Variants in PPFIA2 observed in about 807,000 individuals in gnomAD.
PPFIA2 encodes the protein liprin-alpha-2.
A neutral mutation model predicts 175.5 loss-of-function variants in PPFIA2; 46 were observed. The ratio of observed to expected loss-of-function variants is 0.26; its 90% CI spans 0.21 to 0.34. The LOEUF (loss-of-function observed/expected upper bound fraction) is 0.34, where lower values mean the gene tolerates loss of function less well. PPFIA2 is among the 10% of genes least tolerant of loss of function. PPFIA2 has a pLI of 1.00. For synonymous variants in PPFIA2, 568 were observed against 511.4 expected (o/e 1.11, Z -1.49); for missense variants, 1,179 against 1,506.1 (o/e 0.78, Z 3.60).
intron 7 of PPFIA2, among the ~76,000 whole-genome samples, chr12:81,435,794 A>G (rs185327086): frequency 5.8e-4 from 89 of 152,244 alleles, no homozygotes; most frequent in African/African-American, 2.1e-3. Context: ...TGGGAATTGA[A>G]TTAATTCAGA....
chr12:81,710,937 G>A (rs967472992), intron 3 of PPFIA2, among the ~76,000 whole-genome samples: 1 of 151,324 alleles, frequency 6.6e-6, no homozygotes, highest in African/African-American at 2.4e-5. Context: ...TTGCTACTTA[G>A]AAGTAAAATC....
intron 3 of PPFIA2, among the ~76,000 whole-genome samples, chr12:81,731,170 G>T (rs2153639910): frequency 6.6e-6 from 1 of 151,584 alleles, no homozygotes; most frequent in Admixed American, 6.6e-5. Flanking sequence ...CTGTTCTATG[G>T]GTCCTACACT....
At chr12:81,545,041 A>C (rs925986563) in intron 4 of PPFIA2, among the ~76,000 whole-genome samples, 3 of 151,420 alleles carry the variant, frequency 2.0e-5, no homozygotes, top group African/African-American at 7.2e-5. Context: ...CTATTGGTAC[A>C]ACACTTTCAT....
intron 4 of PPFIA2, among the ~76,000 whole-genome samples, chr12:81,534,746 G>A (rs2065135433): frequency 6.6e-6 from 1 of 151,714 alleles, no homozygotes; most frequent in Non-Finnish European, 1.5e-5. Context: ...AGTCAGAAGT[G>A]AGAGCAGATA....
chr12:81,411,726 C>G (rs2044003284), intron 7 of PPFIA2, among the ~76,000 whole-genome samples: 2 of 151,986 alleles, frequency 1.3e-5, no homozygotes, highest in Admixed American at 1.3e-4. Flanking sequence ...TGATGACATA[C>G]CAGGCGTTAG....
At chr12:81,484,289 A>C (rs1017398866) in intron 4 of PPFIA2, among the ~76,000 whole-genome samples, 1 of 151,984 alleles carries the variant, frequency 6.6e-6, no homozygotes, top group Non-Finnish European at 1.5e-5. Flanking sequence ...CTTTGGAAGA[A>C]GGGGTGGTTT....
intron 9 of PPFIA2, among the ~76,000 whole-genome samples, chr12:81,377,322 G>A (rs2036593521): frequency 6.6e-6 from 1 of 152,178 alleles, no homozygotes; most frequent in African/African-American, 2.4e-5. Context: ...AAGGTGGGCA[G>A]ATCTCTTGAG....
At chr12:81,550,172 T>C (rs945128203) in intron 4 of PPFIA2, among the ~76,000 whole-genome samples, 1 of 151,758 alleles carries the variant, frequency 6.6e-6, no homozygotes, top group Non-Finnish European at 1.5e-5. Context: ...CCTGGGAAAA[T>C]GTACAAATGA....
In PPFIA2 at chr12:81,647,056, TA is replaced by T. The variant is rs869191036; in HGVS notation, c.303+29734del. ...TTATGGATAATTTGAAGGAACTGGT[TA>T]AAAAAAAAGGGGGGGGGAGCGTGTA... On this transcript the variant is annotated intron_variant, in intron 4 of 32. Transcript: ENST00000549396. Among the ~76,000 whole-genome samples the T allele has an allele frequency of 1.6e-3, 53 of 32,892 alleles. No individual in the cohort carries two copies. The East Asian group carries it at 0.039, about 24-fold the overall frequency. The allele number at this position is 32,892 out of a possible 152,430, so 21.6% of individuals were successfully genotyped here.
At chr12:81,568,461 A>C (rs879193592) in intron 4 of PPFIA2, among the ~76,000 whole-genome samples, 2 of 152,176 alleles carry the variant, frequency 1.3e-5, no homozygotes, top group African/African-American at 4.8e-5. Flanking sequence ...CTAAGCCCCT[A>C]GCTCTATAGA....
At chr12:81,680,244 A>G (rs545307448) in intron 3 of PPFIA2, among the ~76,000 whole-genome samples, 1 of 152,146 alleles carries the variant, frequency 6.6e-6, no homozygotes, top group African/African-American at 2.4e-5. Flanking sequence ...CTAATAGATA[A>G]TAAAATAGCT....
intron 4 of PPFIA2, among the ~76,000 whole-genome samples, chr12:81,573,712 T>G (rs905917553): frequency 7.9e-5 from 12 of 151,912 alleles, no homozygotes; most frequent in Admixed American, 7.9e-4. Context: ...CAGCATGTCT[T>G]TAATCACTGA....
At chr12:81,445,192 A>C (rs1037183496) in intron 6 of PPFIA2, among the ~76,000 whole-genome samples, 4 of 121,826 alleles carry the variant, frequency 3.3e-5, no homozygotes, top group East Asian at 5.3e-4. Flanking sequence ...GGAATCTATA[A>C]AGAAAGACCA....
intron 3 of PPFIA2, among the ~76,000 whole-genome samples, chr12:81,708,743 A>T (rs1024716858): frequency 1.3e-5 from 2 of 152,168 alleles, no homozygotes; most frequent in African/African-American, 4.8e-5. Context: ...CCTAATAACA[A>T]ATCAGGCCAC....
intron 4 of PPFIA2, among the ~76,000 whole-genome samples, chr12:81,475,225 G>A (rs2057324787): frequency 6.6e-6 from 1 of 152,034 alleles, no homozygotes; most frequent in South Asian, 2.1e-4. Context: ...TCCTTACATA[G>A]GGCCTGAAAT....
intron 22 of PPFIA2, among the ~76,000 whole-genome samples, chr12:81,299,602 C>T (rs1354420686): frequency 6.6e-6 from 1 of 152,044 alleles, no homozygotes; most frequent in African/African-American, 2.4e-5. Flanking sequence ...TTTTCCCCAA[C>T]ATTTATTCAT....
chr12:81,616,717 G>C (rs1245102048), intron 4 of PPFIA2, among the ~76,000 whole-genome samples: 1 of 151,966 alleles, frequency 6.6e-6, no homozygotes, highest in Non-Finnish European at 1.5e-5. Context: ...TTACTTAAAG[G>C]AAAGAACCAT....
At position 81,372,671 on chromosome 12, in the gene PPFIA2, T is replaced by A. The variant is rs146745532; in HGVS notation, c.1266+1963A>T. On this transcript the variant is annotated intron_variant, in intron 11 of 32. Transcript: ENST00000549396. The stretch of plus-strand genomic sequence containing the variant: ...AAAAAAAAATGACAGGCAAAAGGAA[T>A]GTGTTCAGGATAAAATCTCAGTACT... 1.5e-3 allele frequency among the ~76,000 whole-genome samples: 224 copies of A among 150,534 alleles called. 1 individual carries two copies. Among genetic ancestry groups the A allele is most frequent in the Middle Eastern group, 0.01 (3 of 290 alleles).
intron 11 of PPFIA2, among the ~76,000 whole-genome samples, chr12:81,374,193 A>G (rs768713192): frequency 2.6e-5 from 4 of 152,086 alleles, no homozygotes; most frequent in Non-Finnish European, 4.4e-5. Flanking sequence ...TCAGACTTTT[A>G]TAAGTCTAAC....
Sources: allele counts gnomAD v4.1 joint callset (sites outside exome capture counted in the v4.1 genomes callset), GRCh38; gene constraint gnomAD v4.1.1; transcripts MANE v1.5; gene names NCBI Gene and HGNC (gene_info 2026-07-23, HGNC 2026-07-21).